The following ROS1 variants were observed in gnomAD, a reference collection of about 807,000 sequenced individuals.
ROS1 encodes ROS proto-oncogene 1, receptor tyrosine kinase, also known as proto-oncogene tyrosine-protein kinase ROS.
Under a neutral mutation model 273.5 loss-of-function variants are expected in ROS1, and 263 were observed. That is an observed-to-expected ratio of 0.96 (90% CI 0.87 to 1.06). The LOEUF is 1.06. Ranked by LOEUF, ROS1 falls within the 50% of genes least tolerant of loss-of-function variation. The pLI, the probability that ROS1 is intolerant of heterozygous loss-of-function variation, is 0.00. For missense variants in ROS1, 2,833 were observed against 2,751.1 expected (o/e 1.03, Z -0.67); for synonymous variants, 1,008 against 954.1 (o/e 1.06, Z -1.04).
intron 42 of ROS1, among the ~76,000 whole-genome samples, chr6:117,302,354 G>A (rs1487462652): frequency 2.0e-5 from 3 of 152,058 alleles, no homozygotes; most frequent in African/African-American, 7.2e-5. Context: ...TGAGTACGAG[G>A]CTTATGTGAC....
At chr6:117,387,368 G>A (rs1772668891) in intron 14 of ROS1, among the ~76,000 whole-genome samples, 1 of 152,052 alleles carries the variant, frequency 6.6e-6, no homozygotes, top group Non-Finnish European at 1.5e-5. Flanking sequence ...TAATATGAAT[G>A]GTATAGTCAT....
At chr6:117,380,287 A>T (rs952142023) in intron 17 of ROS1, among the ~76,000 whole-genome samples, 6 of 152,140 alleles carry the variant, frequency 3.9e-5, no homozygotes, top group African/African-American at 1.4e-4. Context: ...CCAAGAGCTA[A>T]AAATTCTTCC....
In ROS1 at chr6:117,341,171, A is replaced by G. The variant is rs762297422; in HGVS notation, c.5025T>C (p.Asn1675=). The G allele has an allele frequency of 3.1e-6, 5 of 1,613,088 alleles. No homozygotes were observed. The highest frequency in any genetic ancestry group is 4.2e-6 in the Non-Finnish European group (5 of 1,179,452). ...SLQFNWKAPL[N]VNLIRFWVEL... ...CAACCCAAAATCTGATGAGGTTAAC[A>G]TTCAATGGAGCCTTCCAATTAAATT... The change falls in exon 31 of 44, where the codon AAT becomes AAC. Residue 1675 remains asparagine (N), a synonymous_variant. Coordinates refer to ENST00000368507, the MANE Select transcript of ROS1 (RefSeq NM_001378902.1).
intron 43 of ROS1, among the ~76,000 whole-genome samples, chr6:117,298,470 A>G (rs1774425806): frequency 6.6e-6 from 1 of 152,224 alleles, no homozygotes; most frequent in South Asian, 2.1e-4. Flanking sequence ...CTATCTTAGG[A>G]ACAAAAGATT....
chr6:117,345,041 C>T (rs1333945335), intron 27 of ROS1, among the ~76,000 whole-genome samples: 3 of 152,204 alleles, frequency 2.0e-5, no homozygotes, highest in Non-Finnish European at 4.4e-5. Context: ...ATGCAAATAA[C>T]TCCAAATATG....
intron 4 of ROS1, among the ~76,000 whole-genome samples, chr6:117,413,721 C>A (rs189554298): frequency 6.6e-6 from 1 of 152,172 alleles, no homozygotes; most frequent in East Asian, 1.9e-4. Context: ...GTGGCTCATG[C>A]CTGTAATCCC....
chr6:117,311,094 C>A lies in ROS1; in HGVS notation c.6141G>T (p.Leu2047Phe), dbSNP rs766298478. 6.2e-7 allele frequency: 1 copy of A among 1,608,572 alleles called. No homozygotes were observed. Among genetic ancestry groups the A allele is most frequent in the South Asian group, 1.1e-5 (1 of 90,372 alleles). ...CTACACACAGGTCTACAAGGTCAAC[C>A]AAGGTGAGTAAAGGACCATAAAACT... ...MATFYGPLLTLVDLVDLCVDI... is the reference protein window; with the variant it reads ...MATFYGPLLTFVDLVDLCVDI... Residue 2047 changes from leucine (L) to phenylalanine (F), a missense_variant, in exon 40 of 44, where the codon TTG (leucine) becomes TTT (phenylalanine). Transcript: ENST00000368507.
At chr6:117,409,271 G>C (rs1030561850) in intron 5 of ROS1, among the ~76,000 whole-genome samples, 1 of 151,930 alleles carries the variant, frequency 6.6e-6, no homozygotes, top group Non-Finnish European at 1.5e-5. Context: ...CTGACATCAA[G>C]TCTGCTCAGG....
chr6:117,400,146 C>G (rs1333712564), intron 7 of ROS1, among the ~76,000 whole-genome samples: 1 of 152,160 alleles, frequency 6.6e-6, no homozygotes, highest in African/African-American at 2.4e-5. Flanking sequence ...TCTTGGTGAC[C>G]CTGGTCACAT....
intron 5 of ROS1, among the ~76,000 whole-genome samples, chr6:117,405,763 A>G (rs1204627539): frequency 2.0e-5 from 3 of 152,178 alleles, no homozygotes; most frequent in Non-Finnish European, 4.4e-5. Flanking sequence ...TCCTATTTTC[A>G]GTACATGGCA....
intron 43 of ROS1, among the ~76,000 whole-genome samples, chr6:117,292,823 C>A (rs1773937197): frequency 6.6e-6 from 1 of 152,220 alleles, no homozygotes; most frequent in Non-Finnish European, 1.5e-5. Context: ...GTTGCCAAGT[C>A]CGATAGCATC....
chr6:117,368,426 A>G (rs906231906), intron 18 of ROS1, among the ~76,000 whole-genome samples: 3 of 152,164 alleles, frequency 2.0e-5, no homozygotes, highest in African/African-American at 7.2e-5. Context: ...GGATGTACAT[A>G]GGAGAGGGAA....
intron 7 of ROS1, among the ~76,000 whole-genome samples, chr6:117,398,678 C>CAAA (rs58864302): frequency 6.7e-5 from 4 of 59,452 alleles, no homozygotes; most frequent in African/African-American, 1.7e-4. Context: ...GACCTTGTCT[C>CAAA]AAAAAAAAAA....
intron 1 of ROS1, 80 bp from the exon 2 acceptor site, chr6:117,418,586 C>T (rs1775519000): frequency 3.8e-6 from 4 of 1,053,166 alleles, no homozygotes; most frequent in Middle Eastern, 2.1e-4. Context: ...AAAAAAGCTT[C>T]CTGAAATAAC....
intron 33 of ROS1, among the ~76,000 whole-genome samples, chr6:117,327,330 G>C (rs2128585923): frequency 6.6e-6 from 1 of 152,300 alleles, no homozygotes; most frequent in South Asian, 2.1e-4. Context: ...GGACCATCCT[G>C]AGCAAAGCAT....
At chr6:117,384,266 C>T (rs761559074) in intron 16 of ROS1, among the ~76,000 whole-genome samples, 4 of 152,106 alleles carry the variant, frequency 2.6e-5, no homozygotes, top group Non-Finnish European at 5.9e-5. Flanking sequence ...TCTCTAAATA[C>T]ATTGCTTCAT....
intron 43 of ROS1, among the ~76,000 whole-genome samples, chr6:117,296,704 C>CA (rs1352048021): frequency 3.3e-5 from 5 of 151,604 alleles, no homozygotes; most frequent in Admixed American, 1.3e-4. Flanking sequence ...TTATTGGGTA[C>CA]AAAAAAGAGA....
At position 117,341,435 on chromosome 6, in the gene ROS1, T is replaced by C; in HGVS notation, c.4849A>G (p.Thr1617Ala). The change falls in exon 30 of 44, where the codon ACT (threonine) becomes GCT (alanine). Residue 1617 changes from threonine to alanine, a missense_variant. By Grantham distance (58) the Thr-to-Ala change is moderately conservative (BLOSUM62 0). Coordinates refer to ENST00000368507, the MANE Select transcript of ROS1 (RefSeq NM_001378902.1). ...TAAATATTTCCACCAGACAGTCTAG[T>C]AACAAGGAGAGTGAGCCTTCCATTT... ...FPNGRLTLLV[T>A]RLSGGNIYVL... The C allele has an allele frequency of 6.2e-7, 1 of 1,613,870 alleles. No homozygotes were observed. The highest frequency in any genetic ancestry group is 8.5e-7 in the Non-Finnish European group (1 of 1,179,766).
chr6:117,377,683 G>A (rs1467473490), intron 18 of ROS1, among the ~76,000 whole-genome samples: 1 of 151,928 alleles, frequency 6.6e-6, no homozygotes, highest in Non-Finnish European at 1.5e-5. Flanking sequence ...AGAAAGCACA[G>A]AATATAGAAA....
Sources: allele counts gnomAD v4.1 joint callset (sites outside exome capture counted in the v4.1 genomes callset), GRCh38; gene constraint gnomAD v4.1.1; transcripts MANE v1.5; gene names NCBI Gene and HGNC (gene_info 2026-07-23, HGNC 2026-07-21).